The following KIR2DL1 variants were observed in gnomAD, a reference collection of about 807,000 sequenced individuals.
KIR2DL1 encodes the protein killer cell immunoglobulin-like receptor 2DL1.
In KIR2DL1, 38 loss-of-function variants were observed where a neutral mutation model predicts 33.9. The observed-to-expected ratio is 1.12, with a 90% CI of 0.86 to 1.47. KIR2DL1 has a LOEUF of 1.47. KIR2DL1 is among the 40% of genes most tolerant of loss of function. The pLI is 0.00. For missense variants in KIR2DL1, 531 were observed against 433.9 expected, an observed-to-expected ratio of 1.22 and a Z score of -1.99; for synonymous variants, 179 against 165.9, an observed-to-expected ratio of 1.08 and a Z score of -0.61.
At chr19:54,776,309 A>G (rs1234500854) in intron 4 of KIR2DL1, among the ~76,000 whole-genome samples, 1 of 146,812 alleles carries the variant, frequency 6.8e-6, no homozygotes, top group Non-Finnish European at 1.5e-5. Flanking sequence ...CCACCATTCT[A>G]CTCTCTACCT....
chr19:54,780,135 C>T, intron 5 of KIR2DL1: 3 of 526,756 alleles, frequency 5.7e-6, no homozygotes, highest in South Asian at 2.3e-5. Context: ...AACTCCCAAC[C>T]TCAAGTGATC....
rs373275852 is a variant in KIR2DL1, at chr19:54,783,678, G to C, written c.912G>C (p.Gln304His). 504 of 1,613,868 alleles carry C rather than the reference G, an allele frequency of 3.1e-4. 6 individuals are homozygous for C. The South Asian group carries it at 5.2e-3, about 16-fold the overall frequency. The change falls in exon 8 of 8, where the codon CAG becomes CAC. Residue 304 changes from glutamine (Q) to histidine (H), a missense_variant. By Grantham distance (24) the Gln-to-His change is conservative. Coordinates refer to ENST00000336077, the MANE Select transcript of KIR2DL1 (RefSeq NM_014218.3). ...EQDPQEVTYTQLNHCVFTQRK... is the reference protein window; with the variant it reads ...EQDPQEVTYTHLNHCVFTQRK... ...ACCCTCAGGAGGTGACATACACACA[G>C]TTGAATCACTGCGTTTTCACACAGA...
intron 5 of KIR2DL1, chr19:54,780,079 T>A (rs1295039893): frequency 2.0e-6 from 1 of 508,172 alleles, no homozygotes; most frequent in Non-Finnish European, 3.5e-6. Flanking sequence ...TTTTTGTATA[T>A]TTTTTGTAGA....
At position 54,775,157 on chromosome 19, in the gene KIR2DL1, C is replaced by G. The variant is rs773789223; in HGVS notation, c.371-8C>G. 1 of 1,566,180 alleles carries G rather than the reference C, an allele frequency of 6.4e-7. No individual in the cohort carries two copies. Among genetic ancestry groups the G allele is most frequent in the Non-Finnish European group, 8.7e-7 (1 of 1,150,132 alleles). ...CCTCCCTGAGGAAACTGCCTCTTCTCCTTCCAGGTCTATATGAGAAACCTT... is the reference window on the plus strand; with the variant it reads ...CCTCCCTGAGGAAACTGCCTCTTCTGCTTCCAGGTCTATATGAGAAACCTT... On this transcript the variant is annotated splice_region_variant and splice_polypyrimidine_tract_variant and intron_variant, in intron 3 of 7. Coordinates refer to ENST00000336077, the MANE Select transcript of KIR2DL1 (RefSeq NM_014218.3).
Position 54,783,769 on chromosome 19 carries a change from C to T in KIR2DL1, c.1003C>T (p.Leu335Phe). Residue 335 changes from leucine to phenylalanine, a missense_variant, in exon 8 of 8, where the codon CTT becomes TTT. Leu to Phe is a conservative substitution (Grantham distance 22). Transcript: ENST00000336077. The stretch of plus-strand genomic sequence containing the variant: ...AACAGATATCATCGTGTACACGGAA[C>T]TTCCAAATGCTGAGTCCAGATCCAA... ...PPTDIIVYTE[L>F]PNAESRSKVV... is the part of the protein sequence containing the mutation. The T allele has an allele frequency of 6.2e-7, 1 of 1,614,020 alleles. No homozygotes were observed. The highest frequency in any genetic ancestry group is 1.1e-5 in the South Asian group (1 of 91,074).
chr19:54,781,358 T>C (rs1409903847), intron 5 of KIR2DL1, among the ~76,000 whole-genome samples: 2 of 149,962 alleles, frequency 1.3e-5, no homozygotes, highest in Admixed American at 1.4e-4. Flanking sequence ...TGAGATCATA[T>C]AGAAAATGTG....
rs371601077 is a variant in KIR2DL1 at position 54,773,576 on chromosome 19, C to T, written c.314C>T (p.Thr105Ile). ...AGTYRCYGSV[T>I]HSPYQVSAPS... ...ACCTACAGATGCTACGGTTCTGTTACTCACTCCCCCTATCAGGTGTCAGCT... is the reference window on the plus strand; with the variant it reads ...ACCTACAGATGCTACGGTTCTGTTATTCACTCCCCCTATCAGGTGTCAGCT... The change falls in exon 3 of 8, where the codon ACT becomes ATT. Residue 105 changes from threonine (T) to isoleucine (I), a missense_variant. Coordinates refer to ENST00000336077, the MANE Select transcript of KIR2DL1 (RefSeq NM_014218.3). 8.9e-6 allele frequency: 14 copies of T among 1,580,864 alleles called. 1 individual carries two copies. Among genetic ancestry groups the T allele is most frequent in the Admixed American group, 5.1e-5 (3 of 58,762 alleles).
intron 3 of KIR2DL1, among the ~76,000 whole-genome samples, chr19:54,774,727 GATAGACAATTGATGGATAA>G (rs1173478543): frequency 6.8e-6 from 1 of 147,632 alleles, no homozygotes; most frequent in Admixed American, 6.8e-5. Flanking sequence ...TTGATGGATA[GATAGACAATTGATGGATAA>G]ATAGATGATA....
At chr19:54,776,935 C>A (rs1468216572) in intron 4 of KIR2DL1, among the ~76,000 whole-genome samples, 6 of 149,226 alleles carry the variant, frequency 4.0e-5, no homozygotes, top group African/African-American at 1.5e-4. Context: ...ATCCACCTCA[C>A]CCAACCTCTT....
At chr19:54,781,807 T>C (rs1372577939) in intron 5 of KIR2DL1, among the ~76,000 whole-genome samples, 1 of 152,164 alleles carries the variant, frequency 6.6e-6, no homozygotes, top group Non-Finnish European at 1.5e-5. Context: ...TTTTGTTTTC[T>C]TTCCTTGGAG....
rs1483847839 is a variant in KIR2DL1, at chr19:54,784,119, T to C, written c.*306T>C. The C allele has an allele frequency of 1.8e-6, 1 of 546,536 alleles. No individual in the cohort carries two copies. Among genetic ancestry groups the C allele is most frequent in the Non-Finnish European group, 3.3e-6 (1 of 306,132 alleles). The allele number at this position is 546,536 out of a possible 1,614,324, so 33.9% of individuals were successfully genotyped here. A position where few individuals can be genotyped will look rare whatever the true frequency, so the allele number is the denominator to read the frequency against. On this transcript the variant is annotated 3_prime_UTR_variant, in exon 8 of 8. Coordinates refer to ENST00000336077, the MANE Select transcript of KIR2DL1 (RefSeq NM_014218.3). ...CTTCCTAGTCTACTTGAGGCTGCAA[T>C]CACACTGAGGAACTCACAATTCCAA...
At chr19:54,783,432 A>C (rs1355664206) in intron 6 of KIR2DL1, 54 bp from the exon 7 acceptor site, 1 of 1,589,372 alleles carries the variant, frequency 6.3e-7, no homozygotes, top group Admixed American at 1.7e-5. Flanking sequence ...TGCTTATGAA[A>C]TGAGGACCCA....
In KIR2DL1 at chr19:54,770,902, C is replaced by A. The variant is rs751817784; in HGVS notation, c.70+18C>A. ...ACATGAGGGTGAGTCCTTCTCCCAA[C>A]CTTCGGGTGTCATCTCCCCACATAA... is the stretch of plus-strand genomic sequence containing the variant. On this transcript the variant is annotated intron_variant, in intron 2 of 7. Transcript: ENST00000336077. The A allele has an allele frequency of 5.1e-6, 8 of 1,581,018 alleles. No individual in the cohort carries two copies. Among genetic ancestry groups the A allele is most frequent in the South Asian group, 2.2e-5 (2 of 90,172 alleles).
intron 2 of KIR2DL1, among the ~76,000 whole-genome samples, chr19:54,772,377 C>T (rs867689208): frequency 6.8e-5 from 10 of 147,298 alleles, no homozygotes; most frequent in South Asian, 2.2e-4. Context: ...CCAGAGGGAA[C>T]GAAGCCCTGC....
intron 2 of KIR2DL1, among the ~76,000 whole-genome samples, 156 bp from the exon 3 acceptor site, chr19:54,773,177 C>T (rs2075950999): frequency 6.7e-6 from 1 of 148,292 alleles, no homozygotes. Context: ...GATGGAAGGA[C>T]CTGCACCAGG....
intron 7 of KIR2DL1, 37 bp from the exon 8 acceptor site, chr19:54,783,600 G>T: frequency 1.2e-6 from 2 of 1,613,922 alleles, no homozygotes; most frequent in African/African-American, 2.7e-5. Flanking sequence ...TGGAAAATGT[G>T]AGCACCCTCC....
At chr19:54,782,087 A>G (rs2077028423) in intron 5 of KIR2DL1, among the ~76,000 whole-genome samples, 1 of 151,990 alleles carries the variant, frequency 6.6e-6, no homozygotes, top group Non-Finnish European at 1.5e-5. Context: ...CTCAAGGCTC[A>G]GAAAAGCTCC....
chr19:54,772,458 C>G (rs1224351869), intron 2 of KIR2DL1, among the ~76,000 whole-genome samples: 1 of 145,396 alleles, frequency 6.9e-6, no homozygotes, highest in East Asian at 2.0e-4. Context: ...GGTTAGTGTG[C>G]TCTCTCCTGG....
rs1229524569 is a variant in KIR2DL1, at chr19:54,783,005, T to A, written c.799T>A (p.Trp267Arg). The A allele has an allele frequency of 2.4e-5, 39 of 1,613,544 alleles. No homozygotes were observed. The highest frequency in any genetic ancestry group is 3.3e-5 in the Non-Finnish European group (39 of 1,179,860). ...FILLFFLLHR[W>R]CSNKKNAAVM... ...CCTCCTCTTCTTTCTCCTTCATCGC[T>A]GGTGCTCCAACAAAAAAAGTAAGTC... The change falls in exon 6 of 8, where the codon TGG becomes AGG. Residue 267 changes from tryptophan (W) to arginine (R), a missense_variant. Physicochemically the swap from Trp to Arg is moderately radical, Grantham distance 101 (BLOSUM62 -3). Coordinates refer to ENST00000336077, the MANE Select transcript of KIR2DL1 (RefSeq NM_014218.3).
Sources: allele counts gnomAD v4.1 joint callset (sites outside exome capture counted in the v4.1 genomes callset), GRCh38; gene constraint gnomAD v4.1.1; transcripts MANE v1.5; gene names NCBI Gene and HGNC (gene_info 2026-07-23, HGNC 2026-07-21).